The following STXBP4 variants were observed in gnomAD, a reference collection of about 807,000 sequenced individuals.
STXBP4 encodes syntaxin-binding protein 4.
Under a neutral mutation model 76.1 loss-of-function variants are expected in STXBP4, and 55 were observed. That is an observed-to-expected ratio of 0.72 (90% CI 0.58 to 0.91). The LOEUF is 0.91. STXBP4 is among the 40% of genes least tolerant of loss of function. The probability of loss-of-function intolerance (pLI) is 0.00; values close to 1 mark genes in which losing one functional copy is unlikely to be tolerated. For missense variants in STXBP4, 618 were observed against 636.9 expected (o/e 0.97, Z 0.32); for synonymous variants, 201 against 220.2 (o/e 0.91, Z 0.77).
the STXBP4 span, among the ~76,000 whole-genome samples, chr17:55,183,237 A>G: frequency 1.3e-4 from 20 of 152,168 alleles, no homozygotes; most frequent in African/African-American, 4.6e-4. Flanking sequence ...TAATCTCTCA[A>G]TCAACCACCA....
chr17:55,183,865 A>T, the STXBP4 span, among the ~76,000 whole-genome samples: 301 of 152,352 alleles, frequency 2.0e-3, 1 homozygote, highest in Non-Finnish European at 3.1e-3. Context: ...TGAACCAAAT[A>T]ATATACAAGC....
At chr17:55,211,101 C>CT in the STXBP4 span, among the ~76,000 whole-genome samples, 1 of 152,202 alleles carries the variant, frequency 6.6e-6, no homozygotes, top group African/African-American at 2.4e-5. Context: ...ATGCCCCCCC[C>CT]CATGAAATTT....
In STXBP4 at chr17:55,095,895, A is replaced by G. The variant is rs1413845793; in HGVS notation, c.1489+14712A>G. Among the ~76,000 whole-genome samples the G allele has an allele frequency of 1.3e-5, 2 of 152,318 alleles. 1 individual carries two copies. The highest frequency in any genetic ancestry group is 4.1e-4 in the South Asian group (2 of 4,822). On this transcript the variant is annotated intron_variant, in intron 16 of 17. Coordinates refer to ENST00000376352, the MANE Select transcript of STXBP4 (RefSeq NM_178509.6). ...GTTCCTAATAAATCCTGTGAGTCTC[A>G]TAGAAATATAGTTAAGACATGATGT...
intron 16 of STXBP4, among the ~76,000 whole-genome samples, chr17:55,106,962 C>A (rs1263672293): frequency 3.3e-5 from 5 of 152,232 alleles, no homozygotes; most frequent in African/African-American, 1.2e-4. Flanking sequence ...TCTGTATTTC[C>A]TGAATTTGAA....
At chr17:55,053,559 A>G (rs549403158) in intron 12 of STXBP4, among the ~76,000 whole-genome samples, 1 of 152,298 alleles carries the variant, frequency 6.6e-6, no homozygotes, top group Admixed American at 6.5e-5. Context: ...AATCTGGGTA[A>G]AGGATATGAG....
intron 15 of STXBP4, 118 bp downstream of exon 15, chr17:55,078,853 A>G: frequency 3.1e-6 from 2 of 636,456 alleles, no homozygotes; most frequent in Non-Finnish European, 5.6e-6. Context: ...CATAACTCCC[A>G]TTGGATGCCA....
the STXBP4 span, among the ~76,000 whole-genome samples, chr17:55,180,882 C>G: frequency 6.6e-6 from 1 of 152,216 alleles, no homozygotes; most frequent in Non-Finnish European, 1.5e-5. Flanking sequence ...AGCACCTGCT[C>G]TGTATGGCCT....
intron 8 of STXBP4, among the ~76,000 whole-genome samples, chr17:55,029,974 C>G (rs2078477979): frequency 6.6e-6 from 1 of 150,726 alleles, no homozygotes; most frequent in African/African-American, 2.5e-5. Flanking sequence ...GAGATAATTA[C>G]CAATACTAAA....
intron 8 of STXBP4, among the ~76,000 whole-genome samples, chr17:55,025,689 T>C (rs1173689870): frequency 2.0e-5 from 3 of 152,224 alleles, no homozygotes; most frequent in Non-Finnish European, 4.4e-5. Flanking sequence ...TCATGCTTAA[T>C]GGGAGAAAAT....
rs1044453926 is a variant in STXBP4 at position 55,160,795 on chromosome 17, C to G, written c.*884C>G. ...ACTATTCTTCTCCTATAAACCCTTC[C>G]CCCTTCTCTGCACCCAAGCCTTCGC... On this transcript the variant is annotated 3_prime_UTR_variant, in exon 18 of 18. Coordinates refer to ENST00000376352, the MANE Select transcript of STXBP4 (RefSeq NM_178509.6). 4 of 152,280 alleles carry G rather than the reference C, an allele frequency of 2.6e-5. No individual in the cohort carries two copies. Among genetic ancestry groups the G allele is most frequent in the African/African-American group, 9.6e-5 (4 of 41,454 alleles). The allele number at this position is 152,280 out of a possible 1,614,324, so 9.4% of individuals were successfully genotyped here. A position where few individuals can be genotyped will look rare whatever the true frequency, so the allele number is the denominator to read the frequency against.
the STXBP4 span, among the ~76,000 whole-genome samples, chr17:55,188,471 C>T: frequency 6.6e-6 from 1 of 152,196 alleles, no homozygotes; most frequent in Non-Finnish European, 1.5e-5. Flanking sequence ...GCTTCTCTCT[C>T]CCTAGAACAG....
At chr17:55,110,021 C>T (rs553683699) in intron 16 of STXBP4, among the ~76,000 whole-genome samples, 1 of 152,264 alleles carries the variant, frequency 6.6e-6, no homozygotes, top group African/African-American at 2.4e-5. Flanking sequence ...TGGACTAAAA[C>T]CAAGGTGTCA....
Position 55,171,780 on chromosome 17 carries a change from C to A in STXBP4, c.*11869C>A, listed in dbSNP as rs753569103. ...GCCTAGAATGGAACCCTCCCTCCCC[C>A]GCCCCTGGGGCCTTCAGAGGGAGCG... On this transcript the variant is annotated 3_prime_UTR_variant, in exon 18 of 18. Coordinates refer to ENST00000376352, the MANE Select transcript of STXBP4 (RefSeq NM_178509.6). The A allele has an allele frequency of 6.6e-6, 1 of 152,262 alleles. No individual in the cohort carries two copies. The allele number at this position is 152,262 out of a possible 1,614,324, so 9.4% of individuals were successfully genotyped here.
Position 55,162,932 on chromosome 17 carries a change from A to G in STXBP4, c.*3021A>G, listed in dbSNP as rs1302172328. 3.9e-5 allele frequency: 6 copies of G among 152,208 alleles called. No individual in the cohort carries two copies. Among genetic ancestry groups the G allele is most frequent in the Non-Finnish European group, 7.4e-5 (5 of 68,026 alleles). 9.4% of individuals were successfully genotyped at this position (152,208 alleles called of 1,614,324 possible). A position where few individuals can be genotyped will look rare whatever the true frequency, so the allele number is the denominator to read the frequency against. On this transcript the variant is annotated 3_prime_UTR_variant, in exon 18 of 18. Transcript: ENST00000376352. ...ATTTATTGAACACTAAAATGTTTTA[A>G]GTTTTCTTATTGCTAACAATGTCAC...
At chr17:55,018,769 T>G (rs1373800991) in intron 8 of STXBP4, among the ~76,000 whole-genome samples, 1 of 152,118 alleles carries the variant, frequency 6.6e-6, no homozygotes, top group Non-Finnish European at 1.5e-5. Flanking sequence ...ACAAAGAAAC[T>G]TCTTAAGGGT....
intron 12 of STXBP4, among the ~76,000 whole-genome samples, chr17:55,063,147 G>A (rs534348703): frequency 2.5e-4 from 38 of 152,266 alleles, no homozygotes; most frequent in Admixed American, 6.5e-4. Context: ...TCCTGTTTGC[G>A]CAGACACCAA....
intron 4 of STXBP4, among the ~76,000 whole-genome samples, chr17:54,995,158 T>A (rs1437283832): frequency 6.6e-6 from 1 of 152,184 alleles, no homozygotes; most frequent in Non-Finnish European, 1.5e-5. Flanking sequence ...ACATACATAC[T>A]TGCTCAATTT....
chr17:55,093,155 C>A (rs190184943), intron 16 of STXBP4, among the ~76,000 whole-genome samples: 281 of 152,054 alleles, frequency 1.8e-3, no homozygotes, highest in African/African-American at 6.3e-3. Context: ...CCACCATGCC[C>A]AGCTAAGTTT....
At chr17:55,205,806 T>C in the STXBP4 span, among the ~76,000 whole-genome samples, 11 of 152,110 alleles carry the variant, frequency 7.2e-5, no homozygotes, top group African/African-American at 2.4e-4. Context: ...ACAAATCTTA[T>C]GGAAAGCTAC....
Sources: gnomAD v4.1 joint callset for allele counts (sites outside exome capture counted in the v4.1 genomes callset) on GRCh38, gnomAD v4.1.1 for gene constraint, MANE v1.5 for transcripts, NCBI Gene and HGNC (gene_info 2026-07-23, HGNC 2026-07-21) for gene names.